The following DGKB variants were observed in gnomAD, a reference collection of about 807,000 sequenced individuals.
DGKB encodes 90 kDa diacylglycerol kinase.
DGKB carries 67 observed loss-of-function variants against 114.3 expected under a neutral mutation model. The observed-to-expected ratio is 0.59, with a 90% confidence interval of 0.48 to 0.72. The LOEUF is 0.72. Ranked by LOEUF, DGKB falls within the 30% of genes least tolerant of loss-of-function variation. The pLI, the probability that DGKB is intolerant of heterozygous loss-of-function variation, is 0.00. For missense variants in DGKB, 907 were observed against 975.2 expected (o/e 0.93, Z 0.93); for synonymous variants, 398 against 323.1 (o/e 1.23, Z -2.49).
intron 23 of DGKB, chr7:14,209,223 T>A (rs976492673): frequency 1.1e-5 from 3 of 281,412 alleles, no homozygotes; most frequent in Non-Finnish European, 1.4e-5. Context: ...CATCAATTTT[T>A]AAATTGTATC....
At chr7:14,774,184 T>C (rs767197344) in intron 2 of DGKB, among the ~76,000 whole-genome samples, 8 of 152,206 alleles carry the variant, frequency 5.3e-5, no homozygotes, top group Non-Finnish European at 1.2e-4. Flanking sequence ...TTGTTGTTTC[T>C]CTAATGGGAA....
intron 23 of DGKB, among the ~76,000 whole-genome samples, chr7:14,288,985 T>C (rs1801319102): frequency 6.6e-6 from 1 of 152,194 alleles, no homozygotes; most frequent in African/African-American, 2.4e-5. Context: ...TACAGAATGA[T>C]GTGACAACGA....
In DGKB at chr7:14,188,655, G is replaced by A. The variant is rs549257557; in HGVS notation, c.2123-10504C>T. Among the ~76,000 whole-genome samples the A allele has an allele frequency of 1.5e-3, 135 of 90,822 alleles. 5 individuals are homozygous for A. The highest frequency in any genetic ancestry group is 9.4e-3 in the Middle Eastern group (1 of 106). 59.6% of individuals were successfully genotyped at this position (90,822 alleles called of 152,430 possible). A position where few individuals can be genotyped will look rare whatever the true frequency, so the allele number is the denominator to read the frequency against. On this transcript the variant is annotated intron_variant, in intron 23 of 25. Transcript: ENST00000402815. Reference sequence around the variant, plus strand: ...AGCCTGGGCGACAAAGCGAGACTCCGTCTCAAAAAAAAAAAAAAAAAAAAA... The same window carrying A: ...AGCCTGGGCGACAAAGCGAGACTCCATCTCAAAAAAAAAAAAAAAAAAAAA...
At chr7:14,958,475 A>ACACACACC (rs1373524055) in intron 1 of DGKB, among the ~76,000 whole-genome samples, 1 of 144,378 alleles carries the variant, frequency 6.9e-6, no homozygotes, top group Middle Eastern at 3.6e-3. Context: ...ACACACACAC[A>ACACACACC]CCCCGTCCAG....
At chr7:14,698,689 A>G (rs1426477382) in intron 7 of DGKB, among the ~76,000 whole-genome samples, 2 of 152,128 alleles carry the variant, frequency 1.3e-5, no homozygotes, top group East Asian at 3.9e-4. Context: ...TATATGCAGC[A>G]TTTATTTTGT....
rs1309214489 is a variant in DGKB at position 14,567,504 on chromosome 7, T to C, written c.1770+6708A>G. Among the ~76,000 whole-genome samples, 164 of 92,702 alleles carry C rather than the reference T, an allele frequency of 1.8e-3. 1 individual carries two copies. The highest frequency in any genetic ancestry group is 4.5e-3 in the Middle Eastern group (1 of 224). The allele number at this position is 92,702 out of a possible 152,430, so 60.8% of individuals were successfully genotyped here. On this transcript the variant is annotated intron_variant, in intron 20 of 25. Coordinates refer to ENST00000402815, the MANE Select transcript of DGKB (RefSeq NM_001350709.2). ...TATATTTATATATTATATATAATTA[T>C]ATAATTATATATTTATATATTATAA... is the stretch of plus-strand genomic sequence containing the variant.
chr7:14,282,555 A>G (rs1800145488), intron 23 of DGKB, among the ~76,000 whole-genome samples: 1 of 151,692 alleles, frequency 6.6e-6, no homozygotes, highest in Non-Finnish European at 1.5e-5. Flanking sequence ...CAGAGACACA[A>G]CCAAAAAAGA....
chr7:14,737,013 T>C (rs1452839738), intron 4 of DGKB, among the ~76,000 whole-genome samples: 1 of 152,180 alleles, frequency 6.6e-6, no homozygotes, highest in East Asian at 1.9e-4. Flanking sequence ...AGCACATGGG[T>C]GCTTTGGGGA....
intron 17 of DGKB, among the ~76,000 whole-genome samples, chr7:14,591,099 T>C (rs1274568071): frequency 6.6e-6 from 1 of 152,152 alleles, no homozygotes; most frequent in East Asian, 1.9e-4. Flanking sequence ...AGAGCCAAAA[T>C]GCAGGGTCCT....
At chr7:14,729,314 A>G (rs373835521) in intron 5 of DGKB, among the ~76,000 whole-genome samples, 5,446 of 149,496 alleles carry the variant, frequency 0.036, 310 homozygotes, top group African/African-American at 0.12. Context: ...AGTAGAGACC[A>G]GGTTTCACCG....
intron 22 of DGKB, among the ~76,000 whole-genome samples, chr7:14,342,315 T>G (rs10085673): frequency 0.042 from 6,368 of 151,904 alleles, 388 homozygotes; most frequent in African/African-American, 0.14. Flanking sequence ...TTTCTTATTC[T>G]CTCATTAACT....
At chr7:14,196,013 A>G (rs1165514830) in intron 23 of DGKB, among the ~76,000 whole-genome samples, 1 of 152,162 alleles carries the variant, frequency 6.6e-6, no homozygotes, top group Non-Finnish European at 1.5e-5. Context: ...AGCAACCTTC[A>G]TGTAGAACTG....
chr7:14,150,830 C>T (rs1409252776), intron 25 of DGKB, among the ~76,000 whole-genome samples: 1 of 152,070 alleles, frequency 6.6e-6, no homozygotes, highest in African/African-American at 2.4e-5. Flanking sequence ...TAGCTGTAGA[C>T]AGGGTCTAAT....
intron 21 of DGKB, among the ~76,000 whole-genome samples, chr7:14,395,062 A>G (rs955173266): frequency 1.3e-5 from 2 of 152,112 alleles, no homozygotes; most frequent in African/African-American, 4.8e-5. Context: ...CCTAATCAAC[A>G]TATTATCGAT....
At chr7:14,655,341 A>G (rs1398626481) in intron 13 of DGKB, among the ~76,000 whole-genome samples, 1 of 151,824 alleles carries the variant, frequency 6.6e-6, no homozygotes, top group African/African-American at 2.4e-5. Flanking sequence ...ATAAGATATC[A>G]CCTCACCCCA....
intron 21 of DGKB, among the ~76,000 whole-genome samples, chr7:14,461,127 G>A (rs6461103): frequency 0.52 from 79,304 of 151,848 alleles, 21,165 homozygotes; most frequent in East Asian, 0.61. Flanking sequence ...TTATAGCACT[G>A]AATGCCCACA....
intron 14 of DGKB, among the ~76,000 whole-genome samples, chr7:14,628,193 T>C (rs541526707): frequency 1.8e-4 from 27 of 152,248 alleles, no homozygotes; most frequent in African/African-American, 6.5e-4. Flanking sequence ...ACCTTGTAAT[T>C]GTAACTGTGT....
At chr7:14,784,165 A>T (rs1839522354) in intron 2 of DGKB, among the ~76,000 whole-genome samples, 1 of 152,050 alleles carries the variant, frequency 6.6e-6, no homozygotes, top group African/African-American at 2.4e-5. Context: ...TTTTTACTAC[A>T]ATCTACTGAT....
intron 23 of DGKB, among the ~76,000 whole-genome samples, chr7:14,248,982 G>T (rs1054053897): frequency 2.6e-5 from 4 of 152,114 alleles, no homozygotes; most frequent in African/African-American, 9.7e-5. Context: ...GGTCTCTCTT[G>T]TATGGCGTTT....
Sources: allele counts gnomAD v4.1 joint callset (sites outside exome capture counted in the v4.1 genomes callset), GRCh38; gene constraint gnomAD v4.1.1; transcripts MANE v1.5; gene names NCBI Gene and HGNC (gene_info 2026-07-23, HGNC 2026-07-21).